Variants in NSD2 observed in about 807,000 individuals in gnomAD.
NSD2 encodes the protein nuclear receptor binding SET domain protein 2.
In NSD2, 12 loss-of-function variants were observed where a neutral mutation model predicts 139.0. The ratio of observed to expected loss-of-function variants is 0.09; its 90% CI spans 0.06 to 0.14. The LOEUF (loss-of-function observed/expected upper bound fraction) is 0.14, where lower values mean the gene tolerates loss of function less well. Among genes scored for constraint, NSD2 ranks in the 10% least tolerant of loss-of-function variants. NSD2 has a pLI of 1.00. For missense variants in NSD2, 1,155 were observed against 1,745.0 expected, an observed-to-expected ratio of 0.66 and a Z score of 6.02; for synonymous variants, 669 against 648.7, an observed-to-expected ratio of 1.03 and a Z score of -0.48.
chr4:1,957,044 T>TAA (rs1197702064), intron 15 of NSD2, among the ~76,000 whole-genome samples: 1 of 152,240 alleles, frequency 6.6e-6, no homozygotes. Context: ...TTGCTGCGAC[T>TAA]GTCGGCAAAG....
In NSD2 at chr4:1,972,310, G is replaced by T. The variant is rs879187670; in HGVS notation, c.3373-2553G>T. Among the ~76,000 whole-genome samples the T allele has an allele frequency of 6.6e-6, 1 of 152,240 alleles. No homozygotes were observed. The highest frequency in any genetic ancestry group is 1.5e-5 in the Non-Finnish European group (1 of 68,042). On this transcript the variant is annotated intron_variant, in intron 18 of 21. Transcript: ENST00000508803. This position sits in a 1 kb window ranked among gnomAD's most constrained non-coding sequence, Gnocchi z 4.0. Reference sequence around the variant, plus strand: ...GCGGTACAGGCTATGTCTCAGCTGGGAAAGGAGAGGCTGTGAGGGTGGAAA... The same window carrying T: ...GCGGTACAGGCTATGTCTCAGCTGGTAAAGGAGAGGCTGTGAGGGTGGAAA...
rs1396712486 is a variant in NSD2, at chr4:1,929,682, T to TATTTATG, written c.1411-941_1411-940insTATGATT. Reference sequence around the variant, plus strand: ...TTCCTGTAATTTTTGTGTCATGAAATATTATGATGTTTTTCAGACATTGAA... The same window carrying TATTTATG: ...TTCCTGTAATTTTTGTGTCATGAAATATTTATGATTATGATGTTTTTCAGACATTGAA... On this transcript the variant is annotated intron_variant, in intron 5 of 21. Coordinates refer to ENST00000508803, the MANE Select transcript of NSD2 (RefSeq NM_001042424.3). Among the ~76,000 whole-genome samples the TATTTATG allele has an allele frequency of 4.6e-5, 7 of 152,102 alleles. No individual in the cohort carries two copies. In the East Asian group the frequency reaches 1.4e-3, roughly 29 times the overall value.
At chr4:1,977,578 C>G (rs1042629610) in intron 21 of NSD2, among the ~76,000 whole-genome samples, 2 of 151,776 alleles carry the variant, frequency 1.3e-5, no homozygotes, top group Non-Finnish European at 2.9e-5. Context: ...GAGTTCGAGA[C>G]CAGTCTGACC....
At chr4:1,911,614 A>G (rs936775938) in intron 3 of NSD2, among the ~76,000 whole-genome samples, 4 of 151,114 alleles carry the variant, frequency 2.6e-5, no homozygotes, top group Non-Finnish European at 5.9e-5. Context: ...AAAAGAAAAA[A>G]AAAAAGAAAG....
chr4:1,964,899 C>G (rs1008402400), intron 18 of NSD2, among the ~76,000 whole-genome samples: 3 of 152,022 alleles, frequency 2.0e-5, no homozygotes, highest in African/African-American at 7.2e-5. Flanking sequence ...AAATTTCCAT[C>G]TTGGGTTGAT....
rs1185340874 is a variant in NSD2 at position 1,958,147 on chromosome 4, G to C, written c.2985+111G>C. 9.1e-7 allele frequency: 1 copy of C among 1,094,390 alleles called. No individual in the cohort carries two copies. 67.8% of individuals were successfully genotyped at this position (1,094,390 alleles called of 1,614,324 possible). A position where few individuals can be genotyped will look rare whatever the true frequency, so the allele number is the denominator to read the frequency against. The stretch of plus-strand genomic sequence containing the variant: ...CTGGGGAGAGGACTGTCACCAGCCA[G>C]GATCTGTGGTGCCTGGCATGGATGG... On this transcript the variant is annotated intron_variant, in intron 16 of 21. Coordinates refer to ENST00000508803, the MANE Select transcript of NSD2 (RefSeq NM_001042424.3). This position sits in a 1 kb window ranked among gnomAD's most constrained non-coding sequence, Gnocchi z 4.6.
At chr4:1,917,373 CAAT>C (rs1424853405) in intron 4 of NSD2, among the ~76,000 whole-genome samples, 1 of 152,122 alleles carries the variant, frequency 6.6e-6, no homozygotes, top group East Asian at 1.9e-4. Context: ...TTTAAAGAAA[CAAT>C]AAAGGTATTA....
Position 1,978,724 on chromosome 4 carries a change from A to G in NSD2, c.3913A>G (p.Lys1305Glu), listed in dbSNP as rs1232165839. 6.2e-7 allele frequency: 1 copy of G among 1,614,060 alleles called. No homozygotes were observed. The highest frequency in any genetic ancestry group is 8.5e-7 in the Non-Finnish European group (1 of 1,179,994). Residue 1305 changes from lysine to glutamate, a missense_variant, in exon 22 of 22, where the codon AAG becomes GAG. This residue lies in a region of NSD2 where 132 missense variants were observed against 94.3 expected (regional missense o/e 1.40). Transcript: ENST00000508803. ...FCHLCPNSFC[K>E]EHQDGTAFSC... ...CCACCTCTGCCCCAATTCGTTCTGT[A>G]AGGAGCACCAGGACGGGACAGCCTT...
At chr4:1,927,926 G>GT in intron 5 of NSD2, among the ~76,000 whole-genome samples, 1 of 151,900 alleles carries the variant, frequency 6.6e-6, no homozygotes, top group Non-Finnish European at 1.5e-5. Flanking sequence ...GAATCTTACT[G>GT]TTTCCCAGGC....
intron 5 of NSD2, among the ~76,000 whole-genome samples, chr4:1,919,929 C>A (rs564579872): frequency 4.0e-5 from 6 of 150,846 alleles, no homozygotes; most frequent in Non-Finnish European, 7.4e-5. Context: ...AATGAGACGC[C>A]GTCTCAAAAA....
chr4:1,883,128 T>G (rs1335453900), intron 1 of NSD2, among the ~76,000 whole-genome samples: 1 of 152,166 alleles, frequency 6.6e-6, no homozygotes, highest in African/African-American at 2.4e-5. Flanking sequence ...GTGATAGCCC[T>G]AAGTTTTTGT....
chr4:1,926,850 A>T (rs1334835366), intron 5 of NSD2, among the ~76,000 whole-genome samples: 1 of 152,190 alleles, frequency 6.6e-6, no homozygotes, highest in African/African-American at 2.4e-5. Flanking sequence ...CCAGTGCTTT[A>T]TGTCAGTTCT....
chr4:1,952,220 A>C lies in NSD2; in HGVS notation c.2126A>C (p.Glu709Ala). The C allele has an allele frequency of 6.2e-7, 1 of 1,613,734 alleles. No individual in the cohort carries two copies. The highest frequency in any genetic ancestry group is 2.2e-5 in the East Asian group (1 of 44,886). ...RRPEGRFTCS[E>A]CASGIHSCFV... ...CCAGAAGGGAGGTTCACCTGCAGCG[A>C]GTGTGCCTCAGGCAAGTTCCCACGG... Residue 709 changes from glutamate to alanine, a missense_variant, in exon 11 of 22, where the codon GAG becomes GCG. Glu to Ala is a moderately radical substitution (Grantham distance 107). This residue lies in a region of NSD2 where 120 missense variants were observed against 239.3 expected (regional missense o/e 0.50). Transcript: ENST00000508803.
chr4:1,977,817 A>G (rs1199766458), intron 21 of NSD2, among the ~76,000 whole-genome samples: 1 of 146,836 alleles, frequency 6.8e-6, no homozygotes, highest in Non-Finnish European at 1.5e-5. Flanking sequence ...AAACAAACAA[A>G]AAACAAAACT....
In NSD2 at chr4:1,948,051, G is replaced by T. The variant is rs1459234153; in HGVS notation, c.1882-3021G>T. 8.5e-6 allele frequency: 9 copies of T among 1,057,230 alleles called. No individual in the cohort carries two copies. The highest frequency in any genetic ancestry group is 9.2e-6 in the Non-Finnish European group (8 of 874,070). The allele number at this position is 1,057,230 out of a possible 1,614,324, so 65.5% of individuals were successfully genotyped here. A position where few individuals can be genotyped will look rare whatever the true frequency, so the allele number is the denominator to read the frequency against. On this transcript the variant is annotated intron_variant, in intron 9 of 21. Coordinates refer to ENST00000508803, the MANE Select transcript of NSD2 (RefSeq NM_001042424.3). This position sits in a 1 kb window ranked among gnomAD's most constrained non-coding sequence, Gnocchi z 4.5. ...AAAAGTCCCTGTAATAGATCAAGGAGACTGCATTCCCTGCCCTGAAGGAAT... is the reference window on the plus strand; with the variant it reads ...AAAAGTCCCTGTAATAGATCAAGGATACTGCATTCCCTGCCCTGAAGGAAT...
At chr4:1,897,546 C>T (rs906163006) in intron 1 of NSD2, among the ~76,000 whole-genome samples, 5 of 152,142 alleles carry the variant, frequency 3.3e-5, no homozygotes, top group Admixed American at 3.3e-4. Flanking sequence ...AATGCCAGCA[C>T]TTTGGGAAGG....
intron 11 of NSD2, 61 bp from the exon 12 acceptor site, chr4:1,953,263 C>T: frequency 6.2e-7 from 1 of 1,613,916 alleles, no homozygotes; most frequent in Non-Finnish European, 8.5e-7. Flanking sequence ...TGGCTCAGAA[C>T]TGCAATTTAA....
chr4:1,911,073 C>G (rs938283452), intron 3 of NSD2, among the ~76,000 whole-genome samples: 1 of 152,118 alleles, frequency 6.6e-6, no homozygotes, highest in African/African-American at 2.4e-5. Context: ...TGGAACTTAA[C>G]AGGCTCCACA....
At chr4:1,899,886 C>T (rs1716929753) in intron 1 of NSD2, among the ~76,000 whole-genome samples, 1 of 152,182 alleles carries the variant, frequency 6.6e-6, no homozygotes. Context: ...AAAAATGTGA[C>T]CTTACTGCTG....
Sources: allele counts gnomAD v4.1 joint callset (sites outside exome capture counted in the v4.1 genomes callset), GRCh38; gene constraint gnomAD v4.1.1; regional missense constraint gnomAD v4.1.1; non-coding constraint Gnocchi (gnomAD v3.1); transcripts MANE v1.5; gene names NCBI Gene and HGNC (gene_info 2026-07-23, HGNC 2026-07-21).